Variants in PRIM2 observed in about 807,000 individuals in gnomAD.
The protein encoded by PRIM2 is DNA primase subunit 2, also known as DNA primase large subunit.
PRIM2 carries 39 observed loss-of-function variants against 67.3 expected under a neutral mutation model. The ratio of observed to expected loss-of-function variants is 0.58; its 90% CI spans 0.45 to 0.76. The LOEUF (loss-of-function observed/expected upper bound fraction) is 0.76, where lower values mean the gene tolerates loss of function less well. Ranked by LOEUF, PRIM2 falls within the 30% of genes least tolerant of loss-of-function variation. The pLI is 0.00. For missense variants in PRIM2, 398 were observed against 598.7 expected (o/e 0.66, Z 3.50); for synonymous variants, 143 against 198.7 (o/e 0.72, Z 2.36).
At chr6:57,560,480 T>G in intron 10 of PRIM2, among the ~76,000 whole-genome samples, 1 of 151,682 alleles carries the variant, frequency 6.6e-6, no homozygotes, top group Non-Finnish European at 1.5e-5. Flanking sequence ...GTCACAAATA[T>G]TCTTAATGAC....
intron 10 of PRIM2, among the ~76,000 whole-genome samples, chr6:57,571,397 C>T (rs1775860093): frequency 1.3e-5 from 2 of 152,134 alleles, no homozygotes; most frequent in African/African-American, 4.8e-5. Flanking sequence ...TGCTTATAAT[C>T]CCAGCACTTT....
intron 7 of PRIM2, among the ~76,000 whole-genome samples, chr6:57,503,697 A>T (rs1554347081): frequency 6.6e-6 from 1 of 152,036 alleles, no homozygotes; most frequent in Non-Finnish European, 1.5e-5. Context: ...TGGAGGTTGC[A>T]GTGGGCCAAG....
chr6:57,591,790 A>G (rs2127488664), intron 10 of PRIM2, among the ~76,000 whole-genome samples: 1 of 152,150 alleles, frequency 6.6e-6, no homozygotes, highest in South Asian at 2.1e-4. Flanking sequence ...AAATAGAATT[A>G]CCATTCCACC....
At chr6:57,363,074 CTAATATTTAA>C in intron 5 of PRIM2, among the ~76,000 whole-genome samples, 1 of 152,140 alleles carries the variant, frequency 6.6e-6, no homozygotes, top group African/African-American at 2.4e-5. Flanking sequence ...GTTTGTTAAT[CTAATATTTAA>C]TGTTAAATTA....
At chr6:57,342,191 C>G (rs1157144439) in intron 5 of PRIM2, among the ~76,000 whole-genome samples, 1 of 152,012 alleles carries the variant, frequency 6.6e-6, no homozygotes, top group Non-Finnish European at 1.5e-5. Flanking sequence ...ATTCTGAATC[C>G]TTATCATGTA....
At chr6:57,305,301 A>G in the PRIM2 span, among the ~76,000 whole-genome samples, 16,023 of 152,254 alleles carry the variant, frequency 0.11, 909 homozygotes, top group South Asian at 0.14. Context: ...TACATCATAA[A>G]GTGTATGCGA....
chr6:57,336,267 C>T (rs1368417056), intron 5 of PRIM2, among the ~76,000 whole-genome samples: 1 of 152,060 alleles, frequency 6.6e-6, no homozygotes, highest in Non-Finnish European at 1.5e-5. Context: ...AGAATGGAAC[C>T]AAGTTGGAAA....
At chr6:57,317,561 C>A (rs1000218098), upstream of PRIM2, 1 of 152,722 alleles carries the variant, frequency 6.5e-6, no homozygotes, top group African/African-American at 2.4e-5. Context: ...GGCCAAACCC[C>A]CTCCTACCCG....
chr6:57,362,854 A>G (rs1769244748), intron 5 of PRIM2, among the ~76,000 whole-genome samples: 1 of 152,182 alleles, frequency 6.6e-6, no homozygotes, highest in Non-Finnish European at 1.5e-5. Flanking sequence ...CATTCTGCCA[A>G]TTAACTGGGT....
intron 11 of PRIM2, among the ~76,000 whole-genome samples, chr6:57,605,600 C>T (rs1180464570): frequency 6.6e-6 from 1 of 151,846 alleles, no homozygotes; most frequent in Non-Finnish European, 1.5e-5. Context: ...ATCTGTATGA[C>T]TGAAAAAAAA....
intron 5 of PRIM2, among the ~76,000 whole-genome samples, chr6:57,327,102 T>C (rs1767891428): frequency 6.6e-6 from 1 of 152,022 alleles, no homozygotes; most frequent in Non-Finnish European, 1.5e-5. Context: ...AGTTTTGCCA[T>C]GTTGGCCAGG....
At chr6:57,283,895 T>C in the PRIM2 span, among the ~76,000 whole-genome samples, 14 of 152,166 alleles carry the variant, frequency 9.2e-5, no homozygotes, top group Non-Finnish European at 2.1e-4. Flanking sequence ...TTTTAAAAGC[T>C]AACTCCTAAA....
chr6:57,439,560 C>T (rs12193992), intron 7 of PRIM2, among the ~76,000 whole-genome samples: 1 of 151,516 alleles, frequency 6.6e-6, no homozygotes, highest in African/African-American at 2.4e-5. Context: ...AGATTACAGG[C>T]ACCCGCCACC....
chr6:57,244,014 C>T, the PRIM2 span, among the ~76,000 whole-genome samples: 4 of 152,164 alleles, frequency 2.6e-5, no homozygotes, highest in African/African-American at 9.7e-5. Flanking sequence ...CATAGCTGGA[C>T]GAGGAAGCAG....
chr6:57,507,000 A>G (rs1774263812), intron 7 of PRIM2, among the ~76,000 whole-genome samples: 1 of 152,208 alleles, frequency 6.6e-6, no homozygotes, highest in Admixed American at 6.5e-5. Context: ...TTTATTCATC[A>G]TCTTAGGACT....
chr6:57,554,022 A>C (rs1775458168), intron 10 of PRIM2, among the ~76,000 whole-genome samples: 1 of 152,186 alleles, frequency 6.6e-6, no homozygotes, highest in African/African-American at 2.4e-5. Context: ...TTTTAACACA[A>C]TTTTATGATG....
Position 57,642,231 on chromosome 6 carries a change from G to C in PRIM2, c.1300-3697G>C, listed in dbSNP as rs1323926415. Among the ~76,000 whole-genome samples, 27 of 152,016 alleles carry C rather than the reference G, an allele frequency of 1.8e-4. No individual in the cohort carries two copies. In the South Asian group the frequency reaches 3.8e-3, roughly 21 times the overall value. The stretch of plus-strand genomic sequence containing the variant: ...AATATCACACACCAGGGCCTGTTTG[G>C]GGGGGTTGTGCTAGGGGAGGGATGG... On this transcript the variant is annotated intron_variant, in intron 13 of 13. Transcript: ENST00000615550.
chr6:57,276,651 T>C, the PRIM2 span, among the ~76,000 whole-genome samples: 1 of 152,016 alleles, frequency 6.6e-6, no homozygotes, highest in South Asian at 2.1e-4. Flanking sequence ...ATGATATATT[T>C]GGGAGGCCAA....
chr6:57,349,611 G>C (rs1768797278), intron 5 of PRIM2, among the ~76,000 whole-genome samples: 1 of 152,032 alleles, frequency 6.6e-6, no homozygotes, highest in Non-Finnish European at 1.5e-5. Context: ...TTAACCACTA[G>C]TTCCACCCAA....
Sources: allele counts gnomAD v4.1 joint callset (sites outside exome capture counted in the v4.1 genomes callset), GRCh38; gene constraint gnomAD v4.1.1; transcripts MANE v1.5; gene names NCBI Gene and HGNC (gene_info 2026-07-23, HGNC 2026-07-21).